Variants in HDAC9 observed in about 807,000 individuals in gnomAD.
HDAC9 encodes histone deacetylase 9, also known as MEF-2 interacting transcription repressor (MITR) protein.
In HDAC9, 41 loss-of-function variants were observed where a neutral mutation model predicts 139.4. The ratio of observed to expected loss-of-function variants is 0.29; its 90% CI spans 0.23 to 0.38. HDAC9 has a LOEUF of 0.38. HDAC9 is among the 10% of genes least tolerant of loss of function. The probability of loss-of-function intolerance (pLI) is 1.00; values close to 1 mark genes in which losing one functional copy is unlikely to be tolerated. For synonymous variants in HDAC9, 517 were observed against 476.2 expected (o/e 1.09, Z -1.12); for missense variants, 1,147 against 1,297.0 (o/e 0.88, Z 1.78).
chr7:18,251,950 T>C (rs1794940553), intron 2 of HDAC9, among the ~76,000 whole-genome samples: 1 of 152,180 alleles, frequency 6.6e-6, no homozygotes, highest in South Asian at 2.1e-4. Context: ...GAGAGTGCAC[T>C]TTCCATGAAT....
At chr7:18,456,258 A>T (rs925754348) in intron 1 of HDAC9, among the ~76,000 whole-genome samples, 1 of 152,070 alleles carries the variant, frequency 6.6e-6, no homozygotes, top group Admixed American at 6.5e-5. Flanking sequence ...TTTTTTTGAG[A>T]TAGAGTCTTT....
At chr7:18,315,701 A>AT (rs1799592659) in intron 1 of HDAC9, among the ~76,000 whole-genome samples, 1 of 152,182 alleles carries the variant, frequency 6.6e-6, no homozygotes, top group South Asian at 2.1e-4. Flanking sequence ...TTCTAGGAGA[A>AT]TGACACCCTC....
chr7:18,912,558 A>T (rs953226175), intron 22 of HDAC9, among the ~76,000 whole-genome samples: 2 of 152,080 alleles, frequency 1.3e-5, no homozygotes, highest in Non-Finnish European at 1.5e-5. Context: ...GGCAGTATCT[A>T]GAGACATTGT....
intron 1 of HDAC9, among the ~76,000 whole-genome samples, chr7:18,433,661 T>C (rs1001821449): frequency 1.3e-5 from 2 of 152,026 alleles, no homozygotes; most frequent in Admixed American, 6.6e-5. Flanking sequence ...CTCAGTCCCA[T>C]TCACAATAGA....
At chr7:18,114,682 A>T (rs992018535) in intron 1 of HDAC9, among the ~76,000 whole-genome samples, 2 of 152,208 alleles carry the variant, frequency 1.3e-5, no homozygotes, top group Admixed American at 6.5e-5. Context: ...AAGGGAACCA[A>T]TATTAATGAC....
At chr7:18,877,018 G>A (rs10486315) in intron 22 of HDAC9, among the ~76,000 whole-genome samples, 13 of 151,914 alleles carry the variant, frequency 8.6e-5, no homozygotes, top group African/African-American at 3.1e-4. Flanking sequence ...AGAGAATTTC[G>A]ATGCACACTA....
chr7:18,329,760 C>T (rs537061368), intron 1 of HDAC9, among the ~76,000 whole-genome samples: 7 of 151,668 alleles, frequency 4.6e-5, no homozygotes, highest in Non-Finnish European at 1.0e-4. Flanking sequence ...TTTCTTTCCT[C>T]CATTTCACAT....
chr7:18,179,840 AT>A (rs1484168830), intron 2 of HDAC9, among the ~76,000 whole-genome samples: 3 of 152,182 alleles, frequency 2.0e-5, no homozygotes, highest in Non-Finnish European at 4.4e-5. Context: ...AAAAGATGTA[AT>A]TGTACAAGAG....
chr7:18,618,363 A>G (rs1683814125), intron 6 of HDAC9, among the ~76,000 whole-genome samples: 1 of 152,132 alleles, frequency 6.6e-6, no homozygotes, highest in Non-Finnish European at 1.5e-5. Context: ...TAGGAGGGTA[A>G]CAAGATGAGG....
At chr7:18,648,087 A>G in intron 10 of HDAC9, 89 bp downstream of exon 10, 2 of 1,030,854 alleles carry the variant, frequency 1.9e-6, no homozygotes, top group Non-Finnish European at 2.8e-6. Context: ...CAAGACCCTG[A>G]TGGAGATCCA....
intron 19 of HDAC9, among the ~76,000 whole-genome samples, chr7:18,831,261 G>C (rs1410267375): frequency 6.6e-6 from 1 of 152,194 alleles, no homozygotes; most frequent in Non-Finnish European, 1.5e-5. Context: ...CTCAAAAGTA[G>C]TGAATTGTAC....
At chr7:18,735,718 G>T (rs1185456155) in intron 13 of HDAC9, among the ~76,000 whole-genome samples, 1 of 152,158 alleles carries the variant, frequency 6.6e-6, no homozygotes. Context: ...GGCTATGCAG[G>T]CTCTTTTCTG....
intron 2 of HDAC9, among the ~76,000 whole-genome samples, chr7:18,252,543 C>T (rs1460860110): frequency 1.3e-5 from 2 of 152,068 alleles, no homozygotes; most frequent in Non-Finnish European, 2.9e-5. Flanking sequence ...GAATCCTTCT[C>T]TGTTGCCATG....
At chr7:18,294,145 G>A (rs562564141) in intron 1 of HDAC9, among the ~76,000 whole-genome samples, 74 of 152,142 alleles carry the variant, frequency 4.9e-4, no homozygotes, top group Non-Finnish European at 9.1e-4. Flanking sequence ...CAGGTTTGGG[G>A]TGAAAAAGAG....
At chr7:18,146,663 A>G (rs192400278) in intron 1 of HDAC9, among the ~76,000 whole-genome samples, 1 of 152,350 alleles carries the variant, frequency 6.6e-6, no homozygotes, top group Non-Finnish European at 1.5e-5. Context: ...TATTTAAGTT[A>G]CACATTATTT....
At chr7:18,891,600 T>C (rs1800686822) in intron 22 of HDAC9, among the ~76,000 whole-genome samples, 1 of 152,182 alleles carries the variant, frequency 6.6e-6, no homozygotes, top group African/African-American at 2.4e-5. Flanking sequence ...TGGTGGCAAG[T>C]CTGGCTTCTT....
chr7:18,290,711 A>C (rs17731333), intron 1 of HDAC9, among the ~76,000 whole-genome samples: 5,048 of 152,260 alleles, frequency 0.033, 105 homozygotes, highest in African/African-American at 0.05. Context: ...ATTGAGCAAA[A>C]AATTCAACTC....
chr7:18,814,848 T>A (rs78536870), intron 17 of HDAC9, among the ~76,000 whole-genome samples: 2,438 of 152,308 alleles, frequency 0.016, 61 homozygotes, highest in African/African-American at 0.056. Context: ...TAAAATCATC[T>A]ATCCAAAGAA....
At chr7:18,968,182 A>G (rs1184058380) in intron 24 of HDAC9, among the ~76,000 whole-genome samples, 1 of 152,228 alleles carries the variant, frequency 6.6e-6, no homozygotes, top group African/African-American at 2.4e-5. Flanking sequence ...GAAAGAAAAA[A>G]GAAACTTCAG....
Sources: gnomAD v4.1 joint callset for allele counts (sites outside exome capture counted in the v4.1 genomes callset) on GRCh38, gnomAD v4.1.1 for gene constraint, MANE v1.5 for transcripts, NCBI Gene and HGNC (gene_info 2026-07-23, HGNC 2026-07-21) for gene names.